The following OPCML variants were observed in gnomAD, a reference collection of about 807,000 sequenced individuals.
OPCML encodes opioid binding protein/cell adhesion molecule like.
In OPCML, 13 loss-of-function variants were observed where a neutral mutation model predicts 37.8. That is an observed-to-expected ratio of 0.34 (90% CI 0.22 to 0.55). OPCML has a LOEUF of 0.55. OPCML is among the 20% of genes least tolerant of loss of function. The probability of loss-of-function intolerance (pLI) is 0.91; values close to 1 mark genes in which losing one functional copy is unlikely to be tolerated. For missense variants in OPCML, 341 were observed against 435.6 expected (o/e 0.78, Z 1.93); for synonymous variants, 176 against 168.8 (o/e 1.04, Z -0.33).
intron 3 of OPCML, among the ~76,000 whole-genome samples, chr11:132,629,229 ACTT>A (rs1353232767): frequency 1.3e-5 from 2 of 151,860 alleles, no homozygotes; most frequent in Non-Finnish European, 2.9e-5. Flanking sequence ...AATATAATGA[ACTT>A]CTTCCTCGTG....
chr11:132,643,343 G>T (rs149662742), intron 3 of OPCML, among the ~76,000 whole-genome samples: 44 of 152,322 alleles, frequency 2.9e-4, no homozygotes, highest in African/African-American at 1.0e-3. Flanking sequence ...CGGTCGGAGA[G>T]CAGAGACCCT....
rs139657625 is a variant in OPCML at position 133,196,059 on chromosome 11, T to C, written c.62-253049A>G. 6.0e-3 allele frequency among the ~76,000 whole-genome samples: 909 copies of C among 152,328 alleles called. 8 individuals are homozygous for C. Among genetic ancestry groups the C allele is most frequent in the African/African-American group, 0.019 (781 of 41,566 alleles). ...TGCAAGAAACTTTAGTTTTAAAATA[T>C]TCACGAGCTGCTGAGATCAGTATAC... On this transcript the variant is annotated intron_variant, in intron 1 of 7. Transcript: ENST00000524381.
At chr11:132,867,913 G>A (rs183156767) in intron 2 of OPCML, among the ~76,000 whole-genome samples, 4 of 152,314 alleles carry the variant, frequency 2.6e-5, no homozygotes, top group Admixed American at 2.6e-4. Flanking sequence ...GGCAGGCAAA[G>A]TGAAGAAGGT....
intron 7 of OPCML, among the ~76,000 whole-genome samples, chr11:132,424,220 C>T (rs1392337785): frequency 2.0e-5 from 3 of 151,756 alleles, no homozygotes; most frequent in South Asian, 2.1e-4. Flanking sequence ...CCTGGGTTCA[C>T]GCCGTTCTCC....
chr11:133,175,508 G>A (rs1027218461), intron 1 of OPCML, among the ~76,000 whole-genome samples: 2 of 151,426 alleles, frequency 1.3e-5, no homozygotes, highest in South Asian at 2.1e-4. Flanking sequence ...ACAGAACTAG[G>A]TTTTCCATGA....
At chr11:133,305,185 AT>A (rs1441825859) in intron 1 of OPCML, among the ~76,000 whole-genome samples, 2 of 152,210 alleles carry the variant, frequency 1.3e-5, no homozygotes, top group East Asian at 1.9e-4. Context: ...TGAGTATTAC[AT>A]AAGATAGCAG....
chr11:132,900,664 C>T (rs1944026212), intron 2 of OPCML, among the ~76,000 whole-genome samples: 2 of 152,176 alleles, frequency 1.3e-5, no homozygotes, highest in South Asian at 2.1e-4. Context: ...GCTCCATTGG[C>T]TTGCTTTTCT....
In OPCML at chr11:132,513,204, T is replaced by C. The variant is rs183911698; in HGVS notation, c.505+15857A>G. 2.0e-3 allele frequency among the ~76,000 whole-genome samples: 307 copies of C among 152,194 alleles called. 1 individual carries two copies. Among genetic ancestry groups the C allele is most frequent in the Middle Eastern group, 6.8e-3 (2 of 294 alleles). On this transcript the variant is annotated intron_variant, in intron 4 of 7. Coordinates refer to ENST00000524381, the MANE Select transcript of OPCML (RefSeq NM_001012393.5). ...TTATGTTAGAAATCTGAGAAAATTA[T>C]TATGGAAAGAGGAAAGCAGATAAGG...
chr11:132,674,668 A>G (rs900312081), intron 2 of OPCML, among the ~76,000 whole-genome samples: 1 of 152,206 alleles, frequency 6.6e-6, no homozygotes, highest in African/African-American at 2.4e-5. Flanking sequence ...TCTTAAGATC[A>G]TAATACTTCT....
At chr11:132,956,989 G>T (rs886417163) in intron 1 of OPCML, among the ~76,000 whole-genome samples, 2 of 152,178 alleles carry the variant, frequency 1.3e-5, no homozygotes, top group Non-Finnish European at 2.9e-5. Flanking sequence ...AAAACAGGCA[G>T]ATGTGCTGCC....
At chr11:132,701,227 G>C (rs1943801370) in intron 2 of OPCML, among the ~76,000 whole-genome samples, 1 of 152,186 alleles carries the variant, frequency 6.6e-6, no homozygotes, top group African/African-American at 2.4e-5. Flanking sequence ...AGCTAGTGCA[G>C]GAGAACTCTG....
intron 2 of OPCML, among the ~76,000 whole-genome samples, chr11:132,757,574 T>C (rs1311105535): frequency 6.6e-6 from 1 of 152,258 alleles, no homozygotes; most frequent in Admixed American, 6.5e-5. Context: ...TTTTTTCATA[T>C]GTTTTTTAGC....
chr11:133,505,761 A>G (rs551520170), intron 1 of OPCML, among the ~76,000 whole-genome samples: 15 of 152,372 alleles, frequency 9.8e-5, no homozygotes, highest in Admixed American at 7.2e-4. Context: ...GAAAGAGGAC[A>G]TGAATTATAA....
chr11:132,686,022 C>T (rs1591725400), intron 2 of OPCML, among the ~76,000 whole-genome samples: 1 of 152,170 alleles, frequency 6.6e-6, no homozygotes, highest in East Asian at 1.9e-4. Context: ...TCACTTAATG[C>T]CTGCTCCCAC....
chr11:133,013,820 A>C (rs1052218809), intron 1 of OPCML, among the ~76,000 whole-genome samples: 1 of 152,180 alleles, frequency 6.6e-6, no homozygotes, highest in Non-Finnish European at 1.5e-5. Context: ...TGCTATAATC[A>C]ATTCCAATTC....
In OPCML at chr11:133,490,378, C is replaced by T. The variant is rs1418301412; in HGVS notation, c.61+41886G>A. Among the ~76,000 whole-genome samples the T allele has an allele frequency of 9.2e-5, 14 of 152,272 alleles. No homozygotes were observed. The East Asian group carries it at 2.7e-3, about 29-fold the overall frequency. ...TATTTTACATGCAGATATACTTGAACATTGTATATTCCTAATTTTTCATCT... is the reference window on the plus strand; with the variant it reads ...TATTTTACATGCAGATATACTTGAATATTGTATATTCCTAATTTTTCATCT... On this transcript the variant is annotated intron_variant, in intron 1 of 7. Transcript: ENST00000524381.
At chr11:133,347,453 C>A (rs963051574) in intron 1 of OPCML, among the ~76,000 whole-genome samples, 5 of 152,150 alleles carry the variant, frequency 3.3e-5, no homozygotes, top group Admixed American at 1.3e-4. Context: ...TCATTGGAAA[C>A]CAACAGTAGG....
At chr11:132,966,064 C>A (rs1049677746) in intron 1 of OPCML, among the ~76,000 whole-genome samples, 1 of 151,202 alleles carries the variant, frequency 6.6e-6, no homozygotes, top group Non-Finnish European at 1.5e-5. Flanking sequence ...TTATTATTTT[C>A]TTTTTCTCCT....
intron 2 of OPCML, among the ~76,000 whole-genome samples, chr11:132,936,508 T>C (rs1335435271): frequency 6.6e-6 from 1 of 152,120 alleles, no homozygotes; most frequent in African/African-American, 2.4e-5. Context: ...CTTTTGTTTG[T>C]TTCACTAGCA....
Sources: gnomAD v4.1 joint callset for allele counts (sites outside exome capture counted in the v4.1 genomes callset) on GRCh38, gnomAD v4.1.1 for gene constraint, MANE v1.5 for transcripts, NCBI Gene and HGNC (gene_info 2026-07-23, HGNC 2026-07-21) for gene names.